Variants in ANKRD33B observed in about 807,000 individuals in gnomAD.
The protein encoded by ANKRD33B is ankyrin repeat domain 33B.
Under a neutral mutation model 21.5 loss-of-function variants are expected in ANKRD33B, and 6 were observed. The ratio of observed to expected loss-of-function variants is 0.28; its 90% CI spans 0.15 to 0.55. The LOEUF (loss-of-function observed/expected upper bound fraction) is 0.55, where lower values mean the gene tolerates loss of function less well. Among genes scored for constraint, ANKRD33B ranks in the 20% least tolerant of loss-of-function variants. ANKRD33B has a pLI of 0.94. For missense variants in ANKRD33B, 698 were observed against 747.2 expected (o/e 0.93, Z 0.77); for synonymous variants, 347 against 342.4 (o/e 1.01, Z -0.15).
chr5:10,564,741 G>A lies in ANKRD33B; in HGVS notation c.274G>A (p.Ala92Thr). 1 of 1,530,776 alleles carries A rather than the reference G, an allele frequency of 6.5e-7. No homozygotes were observed. Among genetic ancestry groups the A allele is most frequent in the Non-Finnish European group, 8.7e-7 (1 of 1,143,980 alleles). 94.8% of individuals were successfully genotyped at this position (1,530,776 alleles called of 1,614,324 possible). Residue 92 changes from alanine (A) to threonine (T), a missense_variant, in exon 1 of 4, where the codon GCC becomes ACC. This residue lies in a region of ANKRD33B where 148 missense variants were observed against 154.9 expected (regional missense o/e 0.96). Coordinates refer to ENST00000296657, the MANE Select transcript of ANKRD33B (RefSeq NM_001164440.2). Reference sequence around the variant, plus strand: ...CCCGGAGACGGCGACCCTCCTGCGCGCCGCCTGCGCCAACAACGTGGGGCT... The same window carrying A: ...CCCGGAGACGGCGACCCTCCTGCGCACCGCCTGCGCCAACAACGTGGGGCT... ...SVPETATLLRAACANNVGLLR... is the reference protein window; with the variant it reads ...SVPETATLLRTACANNVGLLR...
At chr5:10,649,155 G>C (rs1737258548) in intron 3 of ANKRD33B, 111 bp from the exon 4 acceptor site, 2 of 1,438,074 alleles carry the variant, frequency 1.4e-6, no homozygotes, top group South Asian at 1.5e-5. Flanking sequence ...TAGGAGGCTT[G>C]GGGCCAGGGG....
At chr5:10,624,301 T>C (rs886464709) in intron 2 of ANKRD33B, among the ~76,000 whole-genome samples, 5 of 152,122 alleles carry the variant, frequency 3.3e-5, no homozygotes, top group Admixed American at 6.5e-5. Context: ...AGCTACTTCT[T>C]GTATTTTCAG....
chr5:10,632,295 G>T (rs947442167), intron 2 of ANKRD33B, among the ~76,000 whole-genome samples: 1 of 152,240 alleles, frequency 6.6e-6, no homozygotes, highest in Non-Finnish European at 1.5e-5. Flanking sequence ...CGTGAGGTCG[G>T]TGACTTCCAT....
intron 1 of ANKRD33B, among the ~76,000 whole-genome samples, chr5:10,592,450 TAAAA>T (rs35660672): frequency 7.2e-5 from 5 of 69,090 alleles, no homozygotes; most frequent in African/African-American, 2.5e-4. Flanking sequence ...CCATCTCTAC[TAAAA>T]AAAAAAAAAA....
chr5:10,649,362 G>A lies in ANKRD33B; in HGVS notation c.734G>A (p.Arg245Lys), dbSNP rs909301097. ...GTGGATGCCGTCCGTCTCATGCAGA[G>A]GCTGCTGGAGCGCCCCTGCCCGGAG... is the stretch of plus-strand genomic sequence containing the variant. ...GRVDAVRLMQ[R>K]LLERPCPEQF... The change falls in exon 4 of 4, where the codon AGG (arginine) becomes AAG (lysine). Residue 245 changes from arginine (R) to lysine (K), a missense_variant. Arg to Lys is a conservative substitution (Grantham distance 26). Transcript: ENST00000296657. 1.3e-6 allele frequency: 2 copies of A among 1,535,390 alleles called. No individual in the cohort carries two copies. The highest frequency in any genetic ancestry group is 8.7e-7 in the Non-Finnish European group (1 of 1,146,736).
intron 2 of ANKRD33B, among the ~76,000 whole-genome samples, chr5:10,626,269 T>G (rs1736543303): frequency 6.6e-6 from 1 of 152,236 alleles, no homozygotes; most frequent in Non-Finnish European, 1.5e-5. Context: ...AGAAGCAATG[T>G]GCAGACACAC....
intron 3 of ANKRD33B, among the ~76,000 whole-genome samples, chr5:10,642,886 TTTTG>T (rs1299406474): frequency 2.4e-4 from 37 of 152,182 alleles, no homozygotes; most frequent in Middle Eastern, 3.4e-3. Context: ...TTTGTTCTGT[TTTTG>T]TTTGTTTGTT....
At chr5:10,644,751 A>C (rs1281450359) in intron 3 of ANKRD33B, among the ~76,000 whole-genome samples, 1 of 152,224 alleles carries the variant, frequency 6.6e-6, no homozygotes, top group Non-Finnish European at 1.5e-5. Context: ...GCCATGTAGA[A>C]TTGTTTGAAG....
intron 2 of ANKRD33B, among the ~76,000 whole-genome samples, chr5:10,637,462 A>G (rs1379434019): frequency 8.7e-6 from 1 of 114,580 alleles, no homozygotes; most frequent in Non-Finnish European, 1.8e-5. Flanking sequence ...ACACACACAC[A>G]CGGCGGCGGG....
chr5:10,622,496 ACTT>A (rs1736442622), intron 2 of ANKRD33B, among the ~76,000 whole-genome samples: 1 of 152,294 alleles, frequency 6.6e-6, no homozygotes, highest in South Asian at 2.1e-4. Context: ...AATTTTTTTA[ACTT>A]TATGCAGTCT....
At chr5:10,646,048 A>C (rs555224408) in intron 3 of ANKRD33B, among the ~76,000 whole-genome samples, 4 of 152,236 alleles carry the variant, frequency 2.6e-5, no homozygotes, top group Admixed American at 2.6e-4. Flanking sequence ...TAATATGTCA[A>C]CAGTGCTGAG....
chr5:10,586,478 C>T (rs1295781074), intron 1 of ANKRD33B, among the ~76,000 whole-genome samples: 2 of 135,278 alleles, frequency 1.5e-5, no homozygotes, highest in Admixed American at 1.6e-4. Flanking sequence ...GCGTTGGGTT[C>T]TTGTAACTGT....
rs1201614964 is a variant in ANKRD33B, at chr5:10,652,029, C to T, written c.*1916C>T. On this transcript the variant is annotated 3_prime_UTR_variant, in exon 4 of 4. Transcript: ENST00000296657. This position sits in a 1 kb window ranked among gnomAD's most constrained non-coding sequence, Gnocchi z 4.1. ...TCGTGGCCAAGGAGTTGGGATTGGC[C>T]ATGTCTTCTTCGAGGAGGTGGAGAC... The T allele has an allele frequency of 6.6e-6, 1 of 152,368 alleles. No individual in the cohort carries two copies. Among genetic ancestry groups the T allele is most frequent in the Non-Finnish European group, 1.5e-5 (1 of 68,042 alleles). 9.4% of individuals were successfully genotyped at this position (152,368 alleles called of 1,614,324 possible). A position where few individuals can be genotyped will look rare whatever the true frequency, so the allele number is the denominator to read the frequency against.
intron 1 of ANKRD33B, among the ~76,000 whole-genome samples, chr5:10,581,627 C>T (rs964317696): frequency 1.3e-5 from 2 of 152,198 alleles, no homozygotes; most frequent in African/African-American, 2.4e-5. Flanking sequence ...CCCAGGTATT[C>T]AGTCAAACAC....
intron 3 of ANKRD33B, among the ~76,000 whole-genome samples, chr5:10,639,216 C>T (rs1241133140): frequency 3.3e-5 from 1 of 30,700 alleles, no homozygotes; most frequent in Non-Finnish European, 7.1e-5. Flanking sequence ...AGTTGCGCGG[C>T]GATGTTAGCG....
At chr5:10,627,785 G>A (rs1560979794) in intron 2 of ANKRD33B, 2 of 152,176 alleles carry the variant, frequency 1.3e-5, no homozygotes, top group African/African-American at 4.8e-5. Flanking sequence ...GTGAGTCTCG[G>A]TTTCCCAGCG....
intron 1 of ANKRD33B, among the ~76,000 whole-genome samples, chr5:10,604,556 G>A (rs534706807): frequency 6.2e-4 from 94 of 150,970 alleles, no homozygotes; most frequent in African/African-American, 2.1e-3. Flanking sequence ...GCACTCTCCT[G>A]GTGTCTTCTG....
intron 1 of ANKRD33B, among the ~76,000 whole-genome samples, chr5:10,605,617 C>T (rs1473648746): frequency 2.0e-5 from 3 of 152,072 alleles, no homozygotes; most frequent in Non-Finnish European, 2.9e-5. Context: ...CAACCTCCGC[C>T]TCCCGGGTTC....
At chr5:10,637,925 C>A in intron 2 of ANKRD33B, 103 bp from the exon 3 acceptor site, 1 of 1,347,992 alleles carries the variant, frequency 7.4e-7, no homozygotes, top group Non-Finnish European at 1.0e-6. Flanking sequence ...CCGGCTGGCC[C>A]AGGGCTGACT....
Sources: allele counts gnomAD v4.1 joint callset (sites outside exome capture counted in the v4.1 genomes callset), GRCh38; gene constraint gnomAD v4.1.1; regional missense constraint gnomAD v4.1.1; non-coding constraint Gnocchi (gnomAD v3.1); transcripts MANE v1.5; gene names NCBI Gene and HGNC (gene_info 2026-07-23, HGNC 2026-07-21).